Variants in NMU observed in about 807,000 individuals in gnomAD.
The protein encoded by NMU is neuromedin U, also known as neuromedin-U.
A neutral mutation model predicts 35.4 loss-of-function variants in NMU; 29 were observed. The observed-to-expected ratio is 0.82, with a 90% CI of 0.61 to 1.12. The LOEUF (loss-of-function observed/expected upper bound fraction) is 1.12, where lower values mean the gene tolerates loss of function less well. NMU is among the 50% of genes most tolerant of loss of function. NMU has a pLI of 0.00. For synonymous variants in NMU, 78 were observed against 81.3 expected (o/e 0.96, Z 0.22); for missense variants, 199 against 206.2 (o/e 0.97, Z 0.21).
At chr4:55,626,728 C>T (rs1002544601) in intron 2 of NMU, among the ~76,000 whole-genome samples, 1 of 152,094 alleles carries the variant, frequency 6.6e-6, no homozygotes, top group Non-Finnish European at 1.5e-5. Context: ...ACAAAACAAA[C>T]AAACAAAAAA....
At chr4:55,605,860 A>G (rs1275552336) in intron 6 of NMU, among the ~76,000 whole-genome samples, 4 of 152,238 alleles carry the variant, frequency 2.6e-5, no homozygotes, top group Admixed American at 6.5e-5. Context: ...TGAAAATGAC[A>G]ATGTGTTCTC....
At chr4:55,611,022 G>C (rs1037727191) in intron 3 of NMU, among the ~76,000 whole-genome samples, 1 of 152,184 alleles carries the variant, frequency 6.6e-6, no homozygotes, top group African/African-American at 2.4e-5. Flanking sequence ...CAGCATGTTT[G>C]TGTTATAAGC....
chr4:55,609,038 T>C (rs2110193229), intron 4 of NMU, 82 bp downstream of exon 4: 1 of 1,116,526 alleles, frequency 9.0e-7, no homozygotes, highest in Non-Finnish European at 1.4e-6. Flanking sequence ...CTTCCTAAAT[T>C]GGGCATATTT....
chr4:55,632,749 C>A (rs1166540703), intron 1 of NMU, among the ~76,000 whole-genome samples: 1 of 151,878 alleles, frequency 6.6e-6, no homozygotes, highest in Admixed American at 6.6e-5. Context: ...TTTGACCATC[C>A]CCGACCCCCA....
chr4:55,601,738 G>C (rs1361294691), intron 7 of NMU, among the ~76,000 whole-genome samples: 1 of 152,128 alleles, frequency 6.6e-6, no homozygotes, highest in South Asian at 2.1e-4. Flanking sequence ...TGTAATCTGA[G>C]CACTTTGGGA....
rs113405662 is a variant in NMU, at chr4:55,605,305, A to C, written c.405T>G (p.His135Gln). Residue 135 changes from histidine (H) to glutamine (Q), a missense_variant, in exon 7 of 10, where the codon CAT (histidine) becomes CAG (glutamine). By Grantham distance (24) the His-to-Gln change is conservative. Coordinates refer to ENST00000264218, the MANE Select transcript of NMU (RefSeq NM_006681.4). ...HPLLQLVPHL[H>Q]ERRMKRFRVD... is the part of the protein sequence containing the mutation. ...CTCTGAATCTCTTCATTCTTCTCTC[A>C]TGCAGGTGAGGAACGAGCTGCAGCA... The C allele has an allele frequency of 1.9e-6, 3 of 1,613,618 alleles. No homozygotes were observed. In the Admixed American group the frequency reaches 5.0e-5, roughly 27 times the overall value.
chr4:55,599,301 T>G, intron 8 of NMU, 120 bp from the exon 9 acceptor site: 1 of 793,952 alleles, frequency 1.3e-6, no homozygotes, highest in Admixed American at 1.8e-5. Context: ...TAGAGGGCTT[T>G]TTACAACATA....
chr4:55,635,304 AG>A (rs1362867114), intron 1 of NMU, among the ~76,000 whole-genome samples: 2 of 152,142 alleles, frequency 1.3e-5, no homozygotes, highest in Non-Finnish European at 2.9e-5. Flanking sequence ...ATGTCTCCAA[AG>A]CTTCAGATCT....
chr4:55,633,152 G>A (rs7678236), intron 1 of NMU, among the ~76,000 whole-genome samples: 132 of 151,790 alleles, frequency 8.7e-4, no homozygotes, highest in African/African-American at 2.9e-3. Flanking sequence ...GTGAAACCTC[G>A]TCTCTACTAA....
At chr4:55,599,283 C>T (rs961225456) in intron 8 of NMU, 102 bp from the exon 9 acceptor site, 2 of 929,842 alleles carry the variant, frequency 2.2e-6, no homozygotes, top group Non-Finnish European at 3.6e-6. Context: ...ACGTGCATCA[C>T]AATCATCTAG....
chr4:55,619,516 G>T (rs958610004), intron 2 of NMU, among the ~76,000 whole-genome samples: 9 of 142,840 alleles, frequency 6.3e-5, no homozygotes, highest in Non-Finnish European at 1.4e-4. Context: ...AGGGTCCTAC[G>T]CCCACGGAAT....
At position 55,636,243 on chromosome 4, in the gene NMU, G is replaced by A. The variant is rs1392416245; in HGVS notation, c.-51C>T. Reference sequence around the variant, plus strand: ...CTAGGGACGCTGCGCTGCGCCACGCGTAGCTGGTGCTCCACCTGGTGCCCT... The same window carrying A: ...CTAGGGACGCTGCGCTGCGCCACGCATAGCTGGTGCTCCACCTGGTGCCCT... On this transcript the variant is annotated 5_prime_UTR_variant, in exon 1 of 10. The change creates a new upstream start codon in the 5' untranslated region. Coordinates refer to ENST00000264218, the MANE Select transcript of NMU (RefSeq NM_006681.4). This position sits in a 1 kb window ranked among gnomAD's most constrained non-coding sequence, Gnocchi z 4.0. 10 of 1,420,914 alleles carry A rather than the reference G, an allele frequency of 7.0e-6. No homozygotes were observed. The highest frequency in any genetic ancestry group is 9.1e-6 in the Non-Finnish European group (10 of 1,097,384). 88.0% of individuals were successfully genotyped at this position (1,420,914 alleles called of 1,614,324 possible). A position where few individuals can be genotyped will look rare whatever the true frequency, so the allele number is the denominator to read the frequency against.
intron 7 of NMU, among the ~76,000 whole-genome samples, chr4:55,604,210 C>T (rs1465635761): frequency 1.3e-5 from 2 of 150,616 alleles, no homozygotes; most frequent in African/African-American, 2.4e-5. Flanking sequence ...GGATCACAGG[C>T]GCCCACCGCC....
chr4:55,627,642 T>C (rs1371032817), intron 2 of NMU, among the ~76,000 whole-genome samples: 1 of 152,204 alleles, frequency 6.6e-6, no homozygotes, highest in East Asian at 1.9e-4. Flanking sequence ...CCATTGTGTG[T>C]ACTACAATAT....
At chr4:55,600,719 T>C in intron 7 of NMU, 144 bp from the exon 8 acceptor site, 1 of 636,578 alleles carries the variant, frequency 1.6e-6, no homozygotes, top group Non-Finnish European at 2.8e-6. Flanking sequence ...TAGAGAATTT[T>C]TGTATCATAC....
At chr4:55,601,787 G>C (rs907980960) in intron 7 of NMU, among the ~76,000 whole-genome samples, 3 of 151,974 alleles carry the variant, frequency 2.0e-5, no homozygotes, top group Non-Finnish European at 1.5e-5. Flanking sequence ...AGGAGTTTGA[G>C]ACCAGCCTGG....
intron 1 of NMU, among the ~76,000 whole-genome samples, chr4:55,632,948 A>C (rs1277471149): frequency 6.6e-6 from 1 of 150,666 alleles, no homozygotes; most frequent in Admixed American, 6.6e-5. Context: ...TCTAAAAAAC[A>C]CGTAAACACA....
intron 1 of NMU, among the ~76,000 whole-genome samples, chr4:55,632,276 A>ATT (rs113866022): frequency 6.6e-6 from 1 of 151,600 alleles, no homozygotes; most frequent in Non-Finnish European, 1.5e-5. Flanking sequence ...ATCCTGATAG[A>ATT]TTTTTTTTTC....
rs1873090 is a variant in NMU at position 55,605,237 on chromosome 4, C to T, written c.435+38G>A. The T allele has an allele frequency of 0.18, 251,470 of 1,409,560 alleles. 23,200 individuals carry two copies. The highest frequency in any genetic ancestry group is 0.21 in the South Asian group (18,556 of 87,050). The allele number at this position is 1,409,560 out of a possible 1,614,324, so 87.3% of individuals were successfully genotyped here. On this transcript the variant is annotated intron_variant, in intron 7 of 9. Transcript: ENST00000264218. The stretch of plus-strand genomic sequence containing the variant: ...AATTAACAGAAAGGGCTGCCCCACA[C>T]GGAATGGCAAAGCCAGCATGCAGTT...
Sources: gnomAD v4.1 joint callset for allele counts (sites outside exome capture counted in the v4.1 genomes callset) on GRCh38, gnomAD v4.1.1 for gene constraint, Gnocchi (gnomAD v3.1) non-coding constraint, MANE v1.5 for transcripts, NCBI Gene and HGNC (gene_info 2026-07-23, HGNC 2026-07-21) for gene names.